Variants in ELMO1 observed in about 807,000 individuals in gnomAD.
ELMO1 encodes engulfment and cell motility protein 1.
ELMO1 carries 26 observed loss-of-function variants against 98.9 expected under a neutral mutation model. The observed-to-expected ratio is 0.26, with a 90% CI of 0.19 to 0.36. ELMO1 has a LOEUF of 0.36. Ranked by LOEUF, ELMO1 falls within the 10% of genes least tolerant of loss-of-function variation. The pLI is 1.00. For synonymous variants in ELMO1, 346 were observed against 346.0 expected, an observed-to-expected ratio of 1.00 and a Z score of 0.00; for missense variants, 627 against 935.2, an observed-to-expected ratio of 0.67 and a Z score of 4.30.
rs1279525789 is a variant in ELMO1 at position 36,854,130 on chromosome 7, T to C, written c.*1421A>G. ...GTCTGATTTTCTCAGTGAGTCGAGA[T>C]GGTCTTCTTAGAAGTAACATTCTCC... On this transcript the variant is annotated 3_prime_UTR_variant, in exon 22 of 22. Transcript: ENST00000310758. 3.3e-5 allele frequency among the ~76,000 whole-genome samples: 5 copies of C among 152,216 alleles called. No individual in the cohort carries two copies. The highest frequency in any genetic ancestry group is 1.2e-4 in the African/African-American group (5 of 41,448).
intron 16 of ELMO1, among the ~76,000 whole-genome samples, chr7:36,935,740 A>C (rs917461480): frequency 6.6e-6 from 1 of 152,180 alleles, no homozygotes; most frequent in African/African-American, 2.4e-5. Context: ...GCCATTTCTA[A>C]TAAGCTAAGA....
At chr7:37,327,780 C>T (rs1799895785) in intron 2 of ELMO1, among the ~76,000 whole-genome samples, 1 of 152,070 alleles carries the variant, frequency 6.6e-6, no homozygotes, top group African/African-American at 2.4e-5. Context: ...AAAAATGTCC[C>T]ATTAAGTTAA....
intron 15 of ELMO1, among the ~76,000 whole-genome samples, chr7:37,073,644 T>C (rs1797402981): frequency 6.6e-6 from 1 of 151,970 alleles, no homozygotes; most frequent in Non-Finnish European, 1.5e-5. Flanking sequence ...TCGTCCAGGC[T>C]AGAGTACGGT....
chr7:36,880,076 T>C (rs1172879212), intron 18 of ELMO1, among the ~76,000 whole-genome samples: 1 of 152,232 alleles, frequency 6.6e-6, no homozygotes, highest in African/African-American at 2.4e-5. Flanking sequence ...CTGCCCTACG[T>C]GGCTGTGATG....
At chr7:37,213,761 G>A (rs184293187) in intron 11 of ELMO1, among the ~76,000 whole-genome samples, 6 of 152,092 alleles carry the variant, frequency 3.9e-5, no homozygotes, top group Non-Finnish European at 8.8e-5. Context: ...TTGAAATGGG[G>A]GTGTCTCCAA....
intron 2 of ELMO1, among the ~76,000 whole-genome samples, chr7:37,335,117 T>C (rs1048946397): frequency 2.0e-5 from 3 of 152,032 alleles, no homozygotes; most frequent in African/African-American, 7.2e-5. Flanking sequence ...AAAATGTAAA[T>C]TACGTTACGT....
At chr7:36,875,806 G>A (rs141193125) in intron 19 of ELMO1, among the ~76,000 whole-genome samples, 107 of 152,304 alleles carry the variant, frequency 7.0e-4, no homozygotes, top group African/African-American at 2.4e-3. Context: ...CCCTACACAA[G>A]GCTTTGTTGC....
At chr7:37,413,710 C>T (rs140626015) in intron 1 of ELMO1, among the ~76,000 whole-genome samples, 1 of 152,164 alleles carries the variant, frequency 6.6e-6, no homozygotes, top group Non-Finnish European at 1.5e-5. Context: ...CAGAGTCTTG[C>T]TCTGTCACTC....
At chr7:36,998,746 C>A (rs940900442) in intron 16 of ELMO1, among the ~76,000 whole-genome samples, 5 of 151,804 alleles carry the variant, frequency 3.3e-5, no homozygotes, top group Non-Finnish European at 5.9e-5. Context: ...TTTTCAAGGA[C>A]TGACACTATA....
chr7:37,406,841 A>C (rs1161904294), intron 1 of ELMO1, among the ~76,000 whole-genome samples: 1 of 152,152 alleles, frequency 6.6e-6, no homozygotes, highest in Non-Finnish European at 1.5e-5. Context: ...TGACTCACTA[A>C]TAATCAGGAA....
At chr7:37,277,743 GA>G (rs1796921384) in intron 4 of ELMO1, among the ~76,000 whole-genome samples, 1 of 152,216 alleles carries the variant, frequency 6.6e-6, no homozygotes, top group African/African-American at 2.4e-5. Context: ...TCTGGGCTGA[GA>G]ATAGAAACCA....
At chr7:37,115,845 G>C (rs1317257839) in intron 14 of ELMO1, among the ~76,000 whole-genome samples, 1 of 151,786 alleles carries the variant, frequency 6.6e-6, no homozygotes, top group Non-Finnish European at 1.5e-5. Context: ...AAAATTCCAA[G>C]GAATTAATAC....
At position 37,271,811 on chromosome 7, in the gene ELMO1, CAGA is replaced by C; in HGVS notation, c.243+18_243+20del. Reference sequence around the variant, plus strand: ...GCAGAGCAAAGAGTTTGCTGGAAGTCAGAAGCTAAGATCAACTTACTGGAGATG... The same window carrying C: ...GCAGAGCAAAGAGTTTGCTGGAAGTCAGCTAAGATCAACTTACTGGAGATG... On this transcript the variant is annotated intron_variant, in intron 5 of 21. Transcript: ENST00000310758. 1 of 1,612,342 alleles carries C rather than the reference CAGA, an allele frequency of 6.2e-7. No homozygotes were observed. The highest frequency in any genetic ancestry group is 1.1e-5 in the South Asian group (1 of 90,626).
At chr7:37,222,722 T>G in intron 9 of ELMO1, 29 bp from the exon 10 acceptor site, 1 of 1,605,314 alleles carries the variant, frequency 6.2e-7, no homozygotes, top group African/African-American at 1.3e-5. Flanking sequence ...ATTCAGAAAA[T>G]CAGAACACGA....
intron 1 of ELMO1, among the ~76,000 whole-genome samples, chr7:37,359,352 C>T (rs982071612): frequency 3.3e-5 from 5 of 152,246 alleles, no homozygotes; most frequent in South Asian, 4.1e-4. Context: ...ACCTCCTAGC[C>T]TTGTGGCTTT....
At chr7:36,983,398 T>C (rs1791233777) in intron 16 of ELMO1, among the ~76,000 whole-genome samples, 1 of 152,214 alleles carries the variant, frequency 6.6e-6, no homozygotes. Flanking sequence ...GATTGTTTAA[T>C]TCAACTACCT....
chr7:36,977,545 C>T (rs1790661561), intron 16 of ELMO1, among the ~76,000 whole-genome samples: 1 of 152,234 alleles, frequency 6.6e-6, no homozygotes, highest in South Asian at 2.1e-4. Context: ...TTCTAGATCA[C>T]TTTAGTTGCA....
intron 15 of ELMO1, among the ~76,000 whole-genome samples, chr7:37,083,270 G>A (rs1783577232): frequency 6.6e-6 from 1 of 152,092 alleles, no homozygotes; most frequent in African/African-American, 2.4e-5. Context: ...GGGGGCCATC[G>A]GGCTGCCTAG....
chr7:37,034,504 A>G (rs564256406), intron 15 of ELMO1, among the ~76,000 whole-genome samples: 1 of 152,304 alleles, frequency 6.6e-6, no homozygotes, highest in East Asian at 1.9e-4. Context: ...TCAAAAATCT[A>G]TGTGTAACTT....
Sources: allele counts gnomAD v4.1 joint callset (sites outside exome capture counted in the v4.1 genomes callset), GRCh38; gene constraint gnomAD v4.1.1; transcripts MANE v1.5; gene names NCBI Gene and HGNC (gene_info 2026-07-23, HGNC 2026-07-21).